GALNT6: variants seen among roughly 807,000 people sequenced by gnomAD.
The protein encoded by GALNT6 is polypeptide N-acetylgalactosaminyltransferase 6, also known as GalNAc transferase 6.
GALNT6 carries 51 observed loss-of-function variants against 65.9 expected under a neutral mutation model. That is an observed-to-expected ratio of 0.77 (90% confidence interval 0.62 to 0.98). The LOEUF (loss-of-function observed/expected upper bound fraction) is 0.98, where lower values mean the gene tolerates loss of function less well. Among genes scored for constraint, GALNT6 ranks in the 50% least tolerant of loss-of-function variants. The pLI, the probability that GALNT6 is intolerant of heterozygous loss-of-function variation, is 0.00. For synonymous variants in GALNT6, 323 were observed against 315.1 expected (o/e 1.02, Z -0.26); for missense variants, 708 against 803.3 (o/e 0.88, Z 1.43).
intron 2 of GALNT6, among the ~76,000 whole-genome samples, chr12:51,381,661 T>C (rs1290337029): frequency 6.6e-6 from 1 of 152,232 alleles, no homozygotes; most frequent in Non-Finnish European, 1.5e-5. Context: ...GTAATTTACT[T>C]AATCCCTCTA....
At position 51,379,688 on chromosome 12, in the gene GALNT6, T is replaced by A. The variant is rs761053529; in HGVS notation, c.94A>T (p.Ser32Cys). 2 of 1,614,108 alleles carry A rather than the reference T, an allele frequency of 1.2e-6. No homozygotes were observed. The highest frequency in any genetic ancestry group is 1.7e-6 in the Non-Finnish European group (2 of 1,179,982). The change falls in exon 3 of 12, where the codon AGC becomes TGC. Residue 32 changes from serine to cysteine, a missense_variant. Physicochemically the swap from Ser to Cys is moderately radical, Grantham distance 112. Transcript: ENST00000356317. ...TTCTCTGTGGCCTCCTCTCTGCTGC[T>A]CACATCCCTATGCAGGAGGAAGAGG... ...LFLFLLHRDVSSREEATEKPW... is the reference protein window; with the variant it reads ...LFLFLLHRDVCSREEATEKPW...
chr12:51,354,286 G>A lies in GALNT6; in HGVS notation c.*93C>T. 1.5e-6 allele frequency: 1 copy of A among 678,948 alleles called. No individual in the cohort carries two copies. The highest frequency in any genetic ancestry group is 2.2e-5 in the South Asian group (1 of 45,362). 42.1% of individuals were successfully genotyped at this position (678,948 alleles called of 1,614,324 possible). A position where few individuals can be genotyped will look rare whatever the true frequency, so the allele number is the denominator to read the frequency against. ...GTGGGTTTAGAAATCCATCTTTACG[G>A]CCTCCAGAGAAGCTGGTGATCAGGT... On this transcript the variant is annotated 3_prime_UTR_variant, in exon 12 of 12. Transcript: ENST00000356317.
chr12:51,368,109 C>T (rs993857054), intron 4 of GALNT6, among the ~76,000 whole-genome samples: 1 of 151,440 alleles, frequency 6.6e-6, no homozygotes, highest in Non-Finnish European at 1.5e-5. Flanking sequence ...GGTCTCTTGA[C>T]CACCAGTGAG....
intron 4 of GALNT6, among the ~76,000 whole-genome samples, chr12:51,376,226 G>C (rs1170977868): frequency 6.6e-6 from 1 of 152,138 alleles, no homozygotes; most frequent in Non-Finnish European, 1.5e-5. Flanking sequence ...CAAGGTCACA[G>C]AGCTAGGAAG....
At chr12:51,356,844 G>T (rs1946763806) in intron 10 of GALNT6, among the ~76,000 whole-genome samples, 1 of 152,144 alleles carries the variant, frequency 6.6e-6, no homozygotes, top group Middle Eastern at 3.2e-3. Context: ...AACTGCTGTA[G>T]AATGACTGTC....
At chr12:51,381,487 A>C (rs758942216) in intron 2 of GALNT6, among the ~76,000 whole-genome samples, 4 of 152,174 alleles carry the variant, frequency 2.6e-5, no homozygotes, top group Non-Finnish European at 5.9e-5. Flanking sequence ...CCTGGGCACA[A>C]ATTCCAGTTC....
At chr12:51,356,180 A>G (rs949525118) in intron 10 of GALNT6, among the ~76,000 whole-genome samples, 5 of 146,878 alleles carry the variant, frequency 3.4e-5, no homozygotes, top group Admixed American at 6.8e-5. Flanking sequence ...GTATATATAT[A>G]TGTGTGTATA....
intron 2 of GALNT6, chr12:51,382,371 A>T (rs1703827125): frequency 6.6e-6 from 1 of 152,462 alleles, no homozygotes; most frequent in South Asian, 2.1e-4. Flanking sequence ...GGCATGCAGG[A>T]AACTCAGCAA....
chr12:51,383,300 G>C (rs377317936), intron 2 of GALNT6, among the ~76,000 whole-genome samples: 1 of 152,172 alleles, frequency 6.6e-6, no homozygotes, highest in East Asian at 1.9e-4. Context: ...CTGCAGAATG[G>C]GGGAGTGTTT....
chr12:51,358,282 C>G, intron 8 of GALNT6, 21 bp from the exon 9 acceptor site: 1 of 1,609,744 alleles, frequency 6.2e-7, no homozygotes, highest in Non-Finnish European at 8.5e-7. Context: ...AGCCAGCCCC[C>G]TAAGGATCAG....
rs1318802416 is a variant in GALNT6 at position 51,365,418 on chromosome 12, C to T, written c.814+12G>A. On this transcript the variant is annotated intron_variant, in intron 5 of 11. Coordinates refer to ENST00000356317, the MANE Select transcript of GALNT6 (RefSeq NM_007210.4). ...CTCCAGGTTACACCCAGGCCGGTGC[C>T]CTGGTACTCACAGTGGGCATCCAGG... 1.2e-6 allele frequency: 2 copies of T among 1,605,660 alleles called. No individual in the cohort carries two copies.
At chr12:51,382,725 G>A (rs1404057727) in intron 2 of GALNT6, among the ~76,000 whole-genome samples, 1 of 152,216 alleles carries the variant, frequency 6.6e-6, no homozygotes, top group Non-Finnish European at 1.5e-5. Context: ...GACAGCGGTG[G>A]AGGGTATCTT....
intron 4 of GALNT6, among the ~76,000 whole-genome samples, chr12:51,371,346 G>C (rs1004942801): frequency 6.6e-6 from 1 of 152,102 alleles, no homozygotes; most frequent in Non-Finnish European, 1.5e-5. Flanking sequence ...GCCTCTCAAA[G>C]TGCTGGAATT....
chr12:51,385,355 A>G (rs545096523), intron 2 of GALNT6, among the ~76,000 whole-genome samples: 1 of 152,360 alleles, frequency 6.6e-6, no homozygotes, highest in African/African-American at 2.4e-5. Flanking sequence ...CTGATACAAA[A>G]TTAAAATGAT....
At chr12:51,374,226 TG>T (rs1175391812) in intron 4 of GALNT6, among the ~76,000 whole-genome samples, 3 of 152,060 alleles carry the variant, frequency 2.0e-5, no homozygotes, top group Admixed American at 1.3e-4. Flanking sequence ...TGGAGTGCAA[TG>T]GTGCAATCAC....
rs1253790012 is a variant in GALNT6, at chr12:51,353,923, T to G, written c.*456A>C. ...AGCCACCATACCCAGCTTTTTTTTT[T>G]TGCCGGGGGGAGGGTGGGCGTAGAG... On this transcript the variant is annotated 3_prime_UTR_variant, in exon 12 of 12. Coordinates refer to ENST00000356317, the MANE Select transcript of GALNT6 (RefSeq NM_007210.4). 1 of 154,038 alleles carries G rather than the reference T, an allele frequency of 6.5e-6. No individual in the cohort carries two copies. The highest frequency in any genetic ancestry group is 1.4e-5 in the Non-Finnish European group (1 of 69,478). 9.5% of individuals were successfully genotyped at this position (154,038 alleles called of 1,614,324 possible).
intron 4 of GALNT6, among the ~76,000 whole-genome samples, chr12:51,372,815 T>G (rs1592337034): frequency 6.6e-6 from 1 of 152,192 alleles, no homozygotes; most frequent in East Asian, 1.9e-4. Context: ...GGTGAAAAGT[T>G]AACAGTTTAG....
At chr12:51,361,944 C>A (rs570259251) in intron 6 of GALNT6, among the ~76,000 whole-genome samples, 5 of 152,268 alleles carry the variant, frequency 3.3e-5, no homozygotes, top group African/African-American at 1.2e-4. Context: ...TTCGCATGAT[C>A]CATCAAGGTG....
In GALNT6 at chr12:51,379,658, A is replaced by G. The variant is rs1947594517; in HGVS notation, c.124T>C (p.Trp42Arg). The change falls in exon 3 of 12, where the codon TGG becomes CGG. Residue 42 changes from tryptophan (W) to arginine (R), a missense_variant. Transcript: ENST00000356317. ...TTCCGGCTCACCAGGGACTTCAGCC[A>G]CGGCTTCTCTGTGGCCTCCTCTCTG... ...SSREEATEKP[W>R]LKSLVSRKDH... 2 of 1,613,996 alleles carry G rather than the reference A, an allele frequency of 1.2e-6. No individual in the cohort carries two copies. Among genetic ancestry groups the G allele is most frequent in the African/African-American group, 1.3e-5 (1 of 74,906 alleles).
Sources: gnomAD v4.1 joint callset for allele counts (sites outside exome capture counted in the v4.1 genomes callset) on GRCh38, gnomAD v4.1.1 for gene constraint, MANE v1.5 for transcripts, NCBI Gene and HGNC (gene_info 2026-07-23, HGNC 2026-07-21) for gene names.